The following CLDN14 variants were observed in gnomAD, a reference collection of about 807,000 sequenced individuals.
CLDN14 encodes the protein claudin-14.
Under a neutral mutation model 2.1 loss-of-function variants are expected in CLDN14, and 2 were observed. That is an observed-to-expected ratio of 0.96 (90% CI 0.39 to 3.01). CLDN14 has a LOEUF of 3.01. Among genes scored for constraint, CLDN14 ranks in the 30% most tolerant of loss-of-function variants. The pLI is 0.09. For synonymous variants in CLDN14, 136 were observed against 154.4 expected (o/e 0.88, Z 0.88); for missense variants, 298 against 328.0 (o/e 0.91, Z 0.71).
rs577393948 is a variant in CLDN14 at position 36,461,423 on chromosome 21, C to T, written c.273G>A (p.Ser91=). ...TGACGGCGCAGGCGCAGGCTATGCC[C>T]GAGAGCAGGCAGGAGATGACCATGA... ...RALMVISCLL[S]GIACACAVIG... is the part of the protein sequence containing the mutation. Residue 91 remains serine, a synonymous_variant, in exon 2 of 2, where the codon TCG becomes TCA. Coordinates refer to ENST00000399135, the MANE Select transcript of CLDN14 (RefSeq NM_001146079.2). The T allele has an allele frequency of 3.7e-5, 60 of 1,613,222 alleles. No homozygotes were observed. In the East Asian group the frequency reaches 3.8e-4, roughly 10 times the overall value.
chr21:36,539,719 GTGTGTGTGGAGTGAGTA>G (rs1268578151), intron 1 of CLDN14, among the ~76,000 whole-genome samples: 3 of 150,512 alleles, frequency 2.0e-5, no homozygotes, highest in Non-Finnish European at 3.0e-5. Context: ...TACGGTGTTA[GTGTGTGTGGAGTGAGTA>G]TGTGTGCGGA....
intron 1 of CLDN14, among the ~76,000 whole-genome samples, chr21:36,474,392 A>G (rs946519784): frequency 2.0e-5 from 3 of 152,230 alleles, no homozygotes; most frequent in Non-Finnish European, 2.9e-5. Context: ...TACTTATAAG[A>G]TGCTTGCTAG....
intron 1 of CLDN14, among the ~76,000 whole-genome samples, chr21:36,521,117 G>A (rs2087266233): frequency 6.6e-6 from 1 of 152,164 alleles, no homozygotes; most frequent in Admixed American, 6.6e-5. Flanking sequence ...TAGGCATTGA[G>A]TATCAAAGAT....
intron 2 of CLDN14, among the ~76,000 whole-genome samples, chr21:36,489,131 AATATATATATAT>A (rs1555847001): frequency 1.6e-5 from 1 of 62,750 alleles, no homozygotes; most frequent in East Asian, 4.1e-4. Context: ...AAAAAAAAAA[AATATATATATAT>A]ATATATATAT....
At chr21:36,511,713 A>G (rs1433665765) in intron 1 of CLDN14, among the ~76,000 whole-genome samples, 1 of 152,014 alleles carries the variant, frequency 6.6e-6, no homozygotes, top group Non-Finnish European at 1.5e-5. Context: ...GCAGATTCAG[A>G]TGTACAAGAA....
rs869298653 is a variant in CLDN14, at chr21:36,489,117, GA to G, written c.-82+21245del. Among the ~76,000 whole-genome samples the G allele has an allele frequency of 5.9e-3, 338 of 57,006 alleles. 4 individuals are homozygous for G. Among genetic ancestry groups the G allele is most frequent in the African/African-American group, 0.015 (189 of 12,938 alleles). 37.4% of individuals were successfully genotyped at this position (57,006 alleles called of 152,430 possible). ...AGAGTGAGTGAGAGTCTGTCTCAAA[GA>G]AAAAAAAAAAAAAATATATATATAT... On this transcript the variant is annotated intron_variant, in intron 2 of 2. Transcript: ENST00000342108.
intron 2 of CLDN14, among the ~76,000 whole-genome samples, chr21:36,508,889 A>T (rs554222464): frequency 6.6e-6 from 1 of 152,254 alleles, no homozygotes; most frequent in Admixed American, 6.5e-5. Context: ...GTGGGTTGGT[A>T]GGCGTCCTTA....
chr21:36,511,879 A>C (rs1455051053), intron 1 of CLDN14, among the ~76,000 whole-genome samples: 2 of 152,086 alleles, frequency 1.3e-5, no homozygotes, highest in Non-Finnish European at 2.9e-5. Flanking sequence ...ATTTCTCCCC[A>C]CCAAAGGGTC....
intron 1 of CLDN14, among the ~76,000 whole-genome samples, chr21:36,573,300 C>CAAAA (rs373406611): frequency 4.6e-5 from 5 of 109,108 alleles, no homozygotes; most frequent in East Asian, 2.5e-4. Context: ...GACTCTGTCT[C>CAAAA]AAAAAAAAAA....
chr21:36,475,375 G>A (rs2086764406), intron 1 of CLDN14, among the ~76,000 whole-genome samples: 2 of 152,188 alleles, frequency 1.3e-5, no homozygotes, highest in South Asian at 4.1e-4. Flanking sequence ...TGGATCAGTG[G>A]CTCTCCACCC....
At chr21:36,509,241 TC>T (rs1568863921) in intron 2 of CLDN14, among the ~76,000 whole-genome samples, 1 of 152,190 alleles carries the variant, frequency 6.6e-6, no homozygotes, top group Non-Finnish European at 1.5e-5. Flanking sequence ...TGAAGGCACT[TC>T]CGGTGTCCGC....
intron 1 of CLDN14, among the ~76,000 whole-genome samples, chr21:36,547,523 AGCGCCCGG>A (rs2087533567): frequency 6.6e-6 from 1 of 152,182 alleles, no homozygotes; most frequent in South Asian, 2.1e-4. Context: ...GTGGCTCAGC[AGCGCCCGG>A]GCCATTAAGG....
In CLDN14 at chr21:36,523,204, A is replaced by C. The variant is rs534300335; in HGVS notation, c.-219-12704T>G. Among the ~76,000 whole-genome samples the C allele has an allele frequency of 9.0e-4, 137 of 152,358 alleles. 1 individual carries two copies. Among genetic ancestry groups the C allele is most frequent in the African/African-American group, 3.2e-3 (133 of 41,596 alleles). ...TGTGCAGAGCACACAGATGGCTTCA[A>C]ATAACAGGCTGGTTTCATGCACCTG... On this transcript the variant is annotated intron_variant, in intron 1 of 2. Coordinates refer to the CLDN14 transcript ENST00000342108.
chr21:36,563,393 A>G (rs2087651218), intron 1 of CLDN14, among the ~76,000 whole-genome samples: 1 of 152,126 alleles, frequency 6.6e-6, no homozygotes, highest in Admixed American at 6.5e-5. Context: ...TCTGTTAATA[A>G]CTAAACATGT....
chr21:36,489,094 A>G (rs1210415020), intron 2 of CLDN14, among the ~76,000 whole-genome samples: 2 of 135,516 alleles, frequency 1.5e-5, no homozygotes, highest in Non-Finnish European at 3.1e-5. Context: ...TGGGCAACAG[A>G]GTGAGTGAGA....
Position 36,499,799 on chromosome 21 carries a change from T to C in CLDN14, c.-82+10564A>G, listed in dbSNP as rs2087076195. Among the ~76,000 whole-genome samples the C allele has an allele frequency of 6.6e-6, 1 of 152,120 alleles. No individual in the cohort carries two copies. Among genetic ancestry groups the C allele is most frequent in the Non-Finnish European group, 1.5e-5 (1 of 68,034 alleles). On this transcript the variant is annotated intron_variant, in intron 2 of 2. Transcript: ENST00000342108. This position sits in a 1 kb window ranked among gnomAD's most constrained non-coding sequence, Gnocchi z 4.7. ...GCTGGGCAAAGCCAGCAGGGATTTA[T>C]TGCTCCTTAGATGATCAATGCTGCC... is the stretch of plus-strand genomic sequence containing the variant.
upstream of CLDN14, chr21:36,480,629 C>A (rs1467266850): frequency 6.6e-6 from 1 of 151,994 alleles, no homozygotes. Flanking sequence ...GTTTGGGGAC[C>A]CTCTCAAGGC....
intron 1 of CLDN14, among the ~76,000 whole-genome samples, chr21:36,523,958 C>T (rs2087300963): frequency 6.6e-6 from 1 of 152,032 alleles, no homozygotes; most frequent in Non-Finnish European, 1.5e-5. Flanking sequence ...CAAAGCAGCA[C>T]TCTTACCACC....
intron 2 of CLDN14, among the ~76,000 whole-genome samples, chr21:36,507,283 G>A (rs879475732): frequency 3.3e-5 from 5 of 152,180 alleles, no homozygotes; most frequent in Non-Finnish European, 7.3e-5. Context: ...ACCCATGGCT[G>A]TGTATATCTT....
Sources: gnomAD v4.1 joint callset for allele counts (sites outside exome capture counted in the v4.1 genomes callset) on GRCh38, gnomAD v4.1.1 for gene constraint, Gnocchi (gnomAD v3.1) non-coding constraint, MANE v1.5 for transcripts, NCBI Gene and HGNC (gene_info 2026-07-23, HGNC 2026-07-21) for gene names.